The following BNC1 variants were observed in gnomAD, a reference collection of about 807,000 sequenced individuals.
The protein encoded by BNC1 is zinc finger protein basonuclin-1.
BNC1 carries 8 observed loss-of-function variants against 66.5 expected under a neutral mutation model. The ratio of observed to expected loss-of-function variants is 0.12; its 90% CI spans 0.07 to 0.22. The LOEUF (loss-of-function observed/expected upper bound fraction) is 0.22, where lower values mean the gene tolerates loss of function less well. Ranked by LOEUF, BNC1 falls within the 10% of genes least tolerant of loss-of-function variation. The probability of loss-of-function intolerance (pLI) is 1.00; values close to 1 mark genes in which losing one functional copy is unlikely to be tolerated. For missense variants in BNC1, 1,069 were observed against 1,241.3 expected (o/e 0.86, Z 2.09); for synonymous variants, 454 against 452.6 (o/e 1.00, Z -0.04).
chr15:83,270,216 A>T (rs2038256693), intron 1 of BNC1, among the ~76,000 whole-genome samples: 1 of 152,226 alleles, frequency 6.6e-6, no homozygotes, highest in African/African-American at 2.4e-5. Flanking sequence ...TTTAAGGTGT[A>T]CAATTCAATG....
At chr15:83,279,146 A>G (rs1479778030) in intron 1 of BNC1, among the ~76,000 whole-genome samples, 1 of 152,164 alleles carries the variant, frequency 6.6e-6, no homozygotes, top group African/African-American at 2.4e-5. Context: ...GTTTTTTAAA[A>G]AAGAGCCTTT....
At chr15:83,265,040 A>G (rs775838643) in intron 3 of BNC1, among the ~76,000 whole-genome samples, 15 of 152,328 alleles carry the variant, frequency 9.8e-5, no homozygotes, top group Admixed American at 3.3e-4. Context: ...AATTGGTGCA[A>G]AAGAGACAAA....
intron 4 of BNC1, among the ~76,000 whole-genome samples, chr15:83,259,076 G>T (rs2038115154): frequency 6.6e-6 from 1 of 152,188 alleles, no homozygotes; most frequent in Non-Finnish European, 1.5e-5. Context: ...TTTTGCAAAT[G>T]CAGCAGAATA....
rs146218330 is a variant in BNC1, at chr15:83,268,369, A to T, written c.100-137T>A. 4,968 of 749,584 alleles carry T rather than the reference A, an allele frequency of 6.6e-3. 39 individuals carry two copies. Among genetic ancestry groups the T allele is most frequent in the Non-Finnish European group, 6.1e-3 (2,723 of 448,538 alleles). 46.4% of individuals were successfully genotyped at this position (749,584 alleles called of 1,614,324 possible). A position where few individuals can be genotyped will look rare whatever the true frequency, so the allele number is the denominator to read the frequency against. ...GTGCCCACTGTGTGCCAGGCCCAGAAGTGTATATTGTACTCTGGAAAGATG... is the reference window on the plus strand; with the variant it reads ...GTGCCCACTGTGTGCCAGGCCCAGATGTGTATATTGTACTCTGGAAAGATG... On this transcript the variant is annotated intron_variant, in intron 1 of 4. Coordinates refer to ENST00000345382, the MANE Select transcript of BNC1 (RefSeq NM_001717.4).
intron 4 of BNC1, among the ~76,000 whole-genome samples, chr15:83,261,354 C>G (rs1218297895): frequency 6.6e-6 from 1 of 152,214 alleles, no homozygotes; most frequent in Non-Finnish European, 1.5e-5. Flanking sequence ...CTTATGAGCC[C>G]TGTCCAGGAA....
At chr15:83,262,239 G>T (rs1243836196) in intron 4 of BNC1, among the ~76,000 whole-genome samples, 1 of 151,998 alleles carries the variant, frequency 6.6e-6, no homozygotes, top group Non-Finnish European at 1.5e-5. Context: ...TTTTAGTAGA[G>T]ACAGGATTTC....
At chr15:83,260,379 A>G (rs1213533168) in intron 4 of BNC1, among the ~76,000 whole-genome samples, 1 of 152,276 alleles carries the variant, frequency 6.6e-6, no homozygotes, top group Admixed American at 6.5e-5. Context: ...TTAAATTTTT[A>G]ATTTCTAATA....
chr15:83,258,247 G>T, intron 4 of BNC1, 121 bp from the exon 5 acceptor site: 1 of 1,039,374 alleles, frequency 9.6e-7, no homozygotes, highest in Non-Finnish European at 1.4e-6. Context: ...CCGATGATAA[G>T]GGGGTAGGCC....
At position 83,257,192 on chromosome 15, in the gene BNC1, A is replaced by G. The variant is rs1006116017; in HGVS notation, c.*250T>C. On this transcript the variant is annotated 3_prime_UTR_variant, in exon 5 of 5. Transcript: ENST00000345382. ...TGTAAACAAATCTGGGAAAAATCAC[A>G]TTTCTGCAAGTTTTCCTTGTATCAG... The G allele has an allele frequency of 7.3e-6, 4 of 548,756 alleles. No homozygotes were observed. Among genetic ancestry groups the G allele is most frequent in the Non-Finnish European group, 1.3e-5 (4 of 312,582 alleles). The allele number at this position is 548,756 out of a possible 1,614,324, so 34.0% of individuals were successfully genotyped here.
chr15:83,283,229 C>G, intron 1 of BNC1: 1 of 1,535,676 alleles, frequency 6.5e-7, no homozygotes, highest in Non-Finnish European at 8.7e-7. Context: ...AAGTTTGGCT[C>G]GGAGCTACGC....
Position 83,284,538 on chromosome 15 carries a change from T to C in BNC1, c.91A>G (p.Met31Val). Residue 31 changes from methionine (M) to valine (V), a missense_variant, in exon 1 of 5, where the codon ATG (methionine) becomes GTG (valine). Transcript: ENST00000345382. ...GAGGGCGCCGCGCTTACCTCGGCCA[T>C]CCTGCGACCGCTGCGGTGCCGGGGC... ...RQPRHRSGRR[M>V]AEAISCTLNC... The C allele has an allele frequency of 8.5e-7, 1 of 1,178,252 alleles. No individual in the cohort carries two copies. Among genetic ancestry groups the C allele is most frequent in the South Asian group, 2.0e-5 (1 of 48,822 alleles). 73.0% of individuals were successfully genotyped at this position (1,178,252 alleles called of 1,614,324 possible).
intron 4 of BNC1, among the ~76,000 whole-genome samples, chr15:83,259,427 T>C (rs2038118171): frequency 6.6e-6 from 1 of 152,212 alleles, no homozygotes; most frequent in African/African-American, 2.4e-5. Context: ...AGCTTACTTA[T>C]GTTTTATAAA....
chr15:83,262,748 G>A (rs1036164956), intron 4 of BNC1, among the ~76,000 whole-genome samples: 5 of 152,012 alleles, frequency 3.3e-5, no homozygotes, highest in African/African-American at 1.2e-4. Flanking sequence ...CTCAAACTGT[G>A]ACCCCCAGAA....
intron 1 of BNC1, among the ~76,000 whole-genome samples, chr15:83,281,045 G>A (rs1233230549): frequency 6.6e-6 from 1 of 151,906 alleles, no homozygotes; most frequent in Non-Finnish European, 1.5e-5. Context: ...TCTGTTTGCC[G>A]ATAACTAACT....
At chr15:83,271,694 A>C (rs1212023781) in intron 1 of BNC1, among the ~76,000 whole-genome samples, 1 of 152,210 alleles carries the variant, frequency 6.6e-6, no homozygotes, top group Non-Finnish European at 1.5e-5. Flanking sequence ...ATTTCTTTGG[A>C]GAGGCACAAT....
rs758440542 is a variant in BNC1, at chr15:83,264,544, A to C, written c.707T>G (p.Leu236Arg). ...NPSSIHPFEN[L>R]ISNMTFMLPF... ...CAGCATGAAAGTCATGTTGCTTATGAGGTTCTCAAAGGGGTGTATACTGCT... is the reference window on the plus strand; with the variant it reads ...CAGCATGAAAGTCATGTTGCTTATGCGGTTCTCAAAGGGGTGTATACTGCT... Residue 236 changes from leucine to arginine, a missense_variant, in exon 4 of 5, where the codon CTC (leucine) becomes CGC (arginine). Transcript: ENST00000345382. 3.1e-6 allele frequency: 5 copies of C among 1,614,052 alleles called. No individual in the cohort carries two copies. The East Asian group carries it at 1.1e-4, about 36-fold the overall frequency.
At chr15:83,281,873 T>C (rs550293981) in intron 1 of BNC1, among the ~76,000 whole-genome samples, 2 of 152,352 alleles carry the variant, frequency 1.3e-5, no homozygotes, top group Admixed American at 1.3e-4. Context: ...TCTGATGATC[T>C]TGAGGTACAG....
In BNC1 at chr15:83,258,000, A is replaced by G. The variant is rs1378552548; in HGVS notation, c.2427T>C (p.Ala809=). The G allele has an allele frequency of 1.2e-6, 2 of 1,614,140 alleles. No individual in the cohort carries two copies. Among genetic ancestry groups the G allele is most frequent in the Admixed American group, 1.7e-5 (1 of 60,030 alleles). The stretch of plus-strand genomic sequence containing the variant: ...ATGTCTGGGAGGCTTGCTGTGTAAA[A>G]GCCACATCCTGATAGGCTTCCTTAG... ...DVAKEAYQDV[A]FTQQASQTSV... The change falls in exon 5 of 5, where the codon GCT becomes GCC. Residue 809 remains alanine, a synonymous_variant. Coordinates refer to ENST00000345382, the MANE Select transcript of BNC1 (RefSeq NM_001717.4).
In BNC1 at chr15:83,263,642, A is replaced by T; in HGVS notation, c.1609T>A (p.Ser537Thr). The change falls in exon 4 of 5, where the codon TCC (serine) becomes ACC (threonine). Residue 537 changes from serine (S) to threonine (T), a missense_variant. Ser to Thr is a moderately conservative substitution (Grantham distance 58, BLOSUM62 1). Around this residue, in one of 7 missense-constraint regions of BNC1, gnomAD observed 657 missense variants for 715.8 expected, o/e 0.92. Transcript: ENST00000345382. ...TTGATAGGCATACTGGACTTCCTGG[A>T]TTTCTTCTTGGGAAGGGCATCAAAT... ...MPFDALPKKK[S>T]RKSSMPIKIE... 1.2e-6 allele frequency: 2 copies of T among 1,614,090 alleles called. No individual in the cohort carries two copies. Among genetic ancestry groups the T allele is most frequent in the Non-Finnish European group, 1.7e-6 (2 of 1,180,008 alleles).
Sources: allele counts gnomAD v4.1 joint callset (sites outside exome capture counted in the v4.1 genomes callset), GRCh38; gene constraint gnomAD v4.1.1; regional missense constraint gnomAD v4.1.1; transcripts MANE v1.5; gene names NCBI Gene and HGNC (gene_info 2026-07-23, HGNC 2026-07-21).